NR1H4: variants seen among roughly 807,000 people sequenced by gnomAD.
NR1H4 encodes nuclear receptor subfamily 1 group H member 4.
A neutral mutation model predicts 58.5 loss-of-function variants in NR1H4; 23 were observed. That is an observed-to-expected ratio of 0.39 (90% CI 0.28 to 0.56). The LOEUF is 0.56. Ranked by LOEUF, NR1H4 falls within the 20% of genes least tolerant of loss-of-function variation. The pLI is 0.58. For missense variants in NR1H4, 487 were observed against 576.9 expected, an observed-to-expected ratio of 0.84 and a Z score of 1.60; for synonymous variants, 214 against 198.0, an observed-to-expected ratio of 1.08 and a Z score of -0.68.
At chr12:100,562,533 C>A (rs556441132) in intron 10 of NR1H4, among the ~76,000 whole-genome samples, 140 of 152,072 alleles carry the variant, frequency 9.2e-4, no homozygotes, top group Non-Finnish European at 1.6e-3. Flanking sequence ...AAAGTCATTT[C>A]CCAAGTCATT....
At chr12:100,538,565 A>G (rs753099389) in intron 8 of NR1H4, among the ~76,000 whole-genome samples, 1 of 152,172 alleles carries the variant, frequency 6.6e-6, no homozygotes, top group Non-Finnish European at 1.5e-5. Flanking sequence ...TATTAATGCT[A>G]TCTAAGCTAA....
chr12:100,548,668 GC>G (rs902716940), intron 9 of NR1H4, among the ~76,000 whole-genome samples: 2 of 151,976 alleles, frequency 1.3e-5, no homozygotes, highest in East Asian at 3.9e-4. Context: ...TTTTTAACAA[GC>G]TTTTATTGAG....
intron 1 of NR1H4, among the ~76,000 whole-genome samples, chr12:100,478,014 A>G (rs1272585900): frequency 6.6e-6 from 1 of 152,160 alleles, no homozygotes; most frequent in East Asian, 1.9e-4. Flanking sequence ...TGGTGGGTAC[A>G]TGTTATTATA....
At chr12:100,475,557 A>G (rs1343478085) in intron 1 of NR1H4, among the ~76,000 whole-genome samples, 1 of 152,100 alleles carries the variant, frequency 6.6e-6, no homozygotes, top group Non-Finnish European at 1.5e-5. Context: ...GCCAATTGCA[A>G]TGGAATATCC....
chr12:100,490,546 T>G (rs911724873), intron 1 of NR1H4, among the ~76,000 whole-genome samples: 10 of 152,182 alleles, frequency 6.6e-5, no homozygotes, highest in Non-Finnish European at 1.2e-4. Context: ...TTGTGGAATT[T>G]CCTATTCCCA....
At chr12:100,497,197 C>A (rs1331430574) in intron 3 of NR1H4, among the ~76,000 whole-genome samples, 2 of 152,054 alleles carry the variant, frequency 1.3e-5, no homozygotes, top group Non-Finnish European at 2.9e-5. Context: ...AACTGCCCCT[C>A]GGCTCCCGTT....
chr12:100,487,451 G>C (rs1953514972), intron 1 of NR1H4, among the ~76,000 whole-genome samples: 2 of 152,258 alleles, frequency 1.3e-5, no homozygotes, highest in South Asian at 2.1e-4. Context: ...AGAGGGGGCA[G>C]CTGGCTAATC....
chr12:100,513,801 AAAGGAAGG>A (rs199813041), intron 4 of NR1H4, among the ~76,000 whole-genome samples: 14,565 of 115,662 alleles, frequency 0.13, 1,269 homozygotes, highest in Middle Eastern at 0.15. Flanking sequence ...TCAAAGACAG[AAAGGAAGG>A]AAGGAAGGAA....
chr12:100,532,432 T>C (rs2136227632), intron 4 of NR1H4, 26 bp from the exon 5 acceptor site: 2 of 1,613,372 alleles, frequency 1.2e-6, no homozygotes, highest in South Asian at 1.1e-5. Flanking sequence ...GAGGACTTTT[T>C]ACACTTTTCA....
intron 4 of NR1H4, among the ~76,000 whole-genome samples, chr12:100,513,433 G>T (rs1954174927): frequency 6.6e-6 from 1 of 152,168 alleles, no homozygotes; most frequent in African/African-American, 2.4e-5. Context: ...TGGAGATCGA[G>T]ATCTGCTTAT....
intron 4 of NR1H4, among the ~76,000 whole-genome samples, chr12:100,525,625 G>A (rs374810702): frequency 6.6e-6 from 1 of 152,124 alleles, no homozygotes; most frequent in Non-Finnish European, 1.5e-5. Context: ...GTATAGTTTT[G>A]GTATTAGGGT....
intron 1 of NR1H4, among the ~76,000 whole-genome samples, chr12:100,490,138 T>C (rs1489138606): frequency 1.3e-5 from 2 of 152,112 alleles, no homozygotes; most frequent in East Asian, 3.8e-4. Flanking sequence ...AGAAAAACAA[T>C]AAATGCAGAT....
chr12:100,554,510 GTGTTA>G (rs1322359345), intron 9 of NR1H4, among the ~76,000 whole-genome samples: 1 of 151,998 alleles, frequency 6.6e-6, no homozygotes, highest in Non-Finnish European at 1.5e-5. Flanking sequence ...AAGCAGTATA[GTGTTA>G]ATTCTATCAA....
chr12:100,551,159 G>A (rs921157958), intron 9 of NR1H4, among the ~76,000 whole-genome samples: 2 of 152,202 alleles, frequency 1.3e-5, no homozygotes, highest in Non-Finnish European at 2.9e-5. Context: ...CTGCCCTTCA[G>A]TTGAGAGATA....
At chr12:100,556,063 AC>A (rs999636265) in intron 9 of NR1H4, among the ~76,000 whole-genome samples, 20 of 152,200 alleles carry the variant, frequency 1.3e-4, no homozygotes, top group Non-Finnish European at 1.5e-5. Context: ...TGGTATTTTG[AC>A]CAGAGAGGAA....
At chr12:100,505,857 C>T (rs780016780) in intron 3 of NR1H4, 1 of 425,116 alleles carries the variant, frequency 2.4e-6, no homozygotes, top group East Asian at 4.3e-5. Flanking sequence ...TATTTGTTTA[C>T]TTGTTTACTT....
rs148067228 is a variant in NR1H4, at chr12:100,497,021, T to G, written c.79+3619T>G. 4.9e-4 allele frequency among the ~76,000 whole-genome samples: 75 copies of G among 151,930 alleles called. 1 individual carries two copies. The East Asian group carries it at 0.014, about 29-fold the overall frequency. ...TGAAGGCAGTTTATGTGAGACATGA[T>G]GAGGGAGTGGAGGCGAGGGAGTGGG... On this transcript the variant is annotated intron_variant, in intron 3 of 10. Coordinates refer to ENST00000392986, the MANE Select transcript of NR1H4 (RefSeq NM_001206979.2).
Position 100,548,009 on chromosome 12 carries a change from C to T in NR1H4, c.1078+7191C>T, listed in dbSNP as rs971438810. Reference sequence around the variant, plus strand: ...TGCTGGGATTACAGGCTTGAGCCACCGCACCCGGCCCTGTTCCTCTTTTTA... The same window carrying T: ...TGCTGGGATTACAGGCTTGAGCCACTGCACCCGGCCCTGTTCCTCTTTTTA... On this transcript the variant is annotated intron_variant, in intron 9 of 10. Coordinates refer to ENST00000392986, the MANE Select transcript of NR1H4 (RefSeq NM_001206979.2). 4.3e-4 allele frequency among the ~76,000 whole-genome samples: 65 copies of T among 150,922 alleles called. 1 individual carries two copies. Among genetic ancestry groups the T allele is most frequent in the African/African-American group, 1.4e-3 (59 of 41,152 alleles).
chr12:100,532,245 A>G (rs562439627), intron 4 of NR1H4, among the ~76,000 whole-genome samples: 1 of 152,274 alleles, frequency 6.6e-6, no homozygotes, highest in Admixed American at 6.5e-5. Flanking sequence ...TATAATTCAA[A>G]TTTGTCTTTA....
Sources: allele counts gnomAD v4.1 joint callset (sites outside exome capture counted in the v4.1 genomes callset), GRCh38; gene constraint gnomAD v4.1.1; transcripts MANE v1.5; gene names NCBI Gene and HGNC (gene_info 2026-07-23, HGNC 2026-07-21).